The following IMMP2L variants were observed in gnomAD, a reference collection of about 807,000 sequenced individuals.
IMMP2L encodes mitochondrial inner membrane protease subunit 2.
Under a neutral mutation model 19.3 loss-of-function variants are expected in IMMP2L, and 18 were observed. The observed-to-expected ratio is 0.93, with a 90% confidence interval of 0.64 to 1.38. The LOEUF is 1.38. IMMP2L is among the 40% of genes most tolerant of loss of function. The pLI, the probability that IMMP2L is intolerant of heterozygous loss-of-function variation, is 0.00. For missense variants in IMMP2L, 233 were observed against 218.2 expected (o/e 1.07, Z -0.43); for synonymous variants, 76 against 73.0 (o/e 1.04, Z -0.21).
chr7:110,837,614 T>C (rs74909586), intron 5 of IMMP2L, among the ~76,000 whole-genome samples: 3 of 152,070 alleles, frequency 2.0e-5, no homozygotes, highest in African/African-American at 7.2e-5. Context: ...TGAATTACTA[T>C]TGCTGCCCGC....
intron 3 of IMMP2L, among the ~76,000 whole-genome samples, chr7:111,316,859 T>C (rs1824155900): frequency 7.1e-6 from 1 of 140,696 alleles, no homozygotes; most frequent in Non-Finnish European, 1.5e-5. Flanking sequence ...TTTTTTTTTT[T>C]TTTTTTTTTG....
At chr7:111,169,446 T>G (rs577390055) in intron 3 of IMMP2L, among the ~76,000 whole-genome samples, 1 of 151,860 alleles carries the variant, frequency 6.6e-6, no homozygotes, top group Admixed American at 6.6e-5. Context: ...ACAACCAAAC[T>G]TGAGTTTGGG....
chr7:111,528,551 G>T (rs540759275), intron 1 of IMMP2L, among the ~76,000 whole-genome samples: 19 of 152,292 alleles, frequency 1.2e-4, no homozygotes, highest in Admixed American at 3.3e-4. Flanking sequence ...TCTTGGTGAT[G>T]CTGACCTCAA....
chr7:111,048,345 C>A (rs963313899), intron 3 of IMMP2L, among the ~76,000 whole-genome samples: 2 of 151,912 alleles, frequency 1.3e-5, no homozygotes, highest in East Asian at 3.9e-4. Flanking sequence ...TTTCTTTCTA[C>A]CAGATCTTGC....
intron 3 of IMMP2L, among the ~76,000 whole-genome samples, chr7:111,038,229 T>G (rs1011655461): frequency 6.6e-6 from 1 of 152,208 alleles, no homozygotes; most frequent in Non-Finnish European, 1.5e-5. Flanking sequence ...CACTGATTTT[T>G]ATTTTTATAA....
At chr7:111,415,117 G>C (rs2131552286) in intron 3 of IMMP2L, among the ~76,000 whole-genome samples, 1 of 152,014 alleles carries the variant, frequency 6.6e-6, no homozygotes, top group Admixed American at 6.5e-5. Context: ...CTCCTTGAAG[G>C]ATAAGCCTCA....
At chr7:110,994,440 T>C (rs368370222) in intron 3 of IMMP2L, among the ~76,000 whole-genome samples, 1 of 152,190 alleles carries the variant, frequency 6.6e-6, no homozygotes, top group East Asian at 1.9e-4. Flanking sequence ...CATATGATTA[T>C]ATTTTGGCCA....
intron 3 of IMMP2L, among the ~76,000 whole-genome samples, chr7:111,445,257 C>G (rs1585127436): frequency 6.8e-6 from 1 of 147,822 alleles, no homozygotes; most frequent in East Asian, 2.0e-4. Flanking sequence ...TGTGGGGAGC[C>G]AAAAAAAAAT....
intron 3 of IMMP2L, among the ~76,000 whole-genome samples, chr7:111,148,377 T>A (rs1185670668): frequency 1.3e-5 from 2 of 152,016 alleles, no homozygotes; most frequent in African/African-American, 4.8e-5. Flanking sequence ...GAATAGGGAA[T>A]GATTGCTAGA....
intron 5 of IMMP2L, among the ~76,000 whole-genome samples, chr7:110,849,346 G>A (rs766357967): frequency 7.2e-5 from 11 of 151,868 alleles, no homozygotes; most frequent in Non-Finnish European, 1.5e-4. Context: ...TAAAATAATC[G>A]AGAGATCTGT....
intron 3 of IMMP2L, among the ~76,000 whole-genome samples, chr7:111,258,282 G>C (rs1047386278): frequency 6.6e-6 from 1 of 152,068 alleles, no homozygotes; most frequent in Non-Finnish European, 1.5e-5. Context: ...ATGTGTGGGT[G>C]ATCACAGAGT....
rs554522977 is a variant in IMMP2L at position 111,233,459 on chromosome 7, C to A, written c.239+253779G>T. On this transcript the variant is annotated intron_variant, in intron 3 of 5. Transcript: ENST00000405709. ...GTCATATAAAATCAGTGGTAATTGA[C>A]AAACTGACTATATAATAATTTCACT... Among the ~76,000 whole-genome samples, 15 of 151,958 alleles carry A rather than the reference C, an allele frequency of 9.9e-5. No homozygotes were observed. In the South Asian group the frequency reaches 3.1e-3, roughly 32 times the overall value.
rs188048755 is a variant in IMMP2L, at chr7:111,369,883, G to A, written c.239+117355C>T. On this transcript the variant is annotated intron_variant, in intron 3 of 5. Coordinates refer to ENST00000405709, the MANE Select transcript of IMMP2L (RefSeq NM_032549.4). Reference sequence around the variant, plus strand: ...ATTATGCTAAATTCTAGATGGTAAAGAGGAAGATGAATTAGTCCTTGGTCT... The same window carrying A: ...ATTATGCTAAATTCTAGATGGTAAAAAGGAAGATGAATTAGTCCTTGGTCT... 5.4e-3 allele frequency among the ~76,000 whole-genome samples: 827 copies of A among 151,962 alleles called. 7 individuals are homozygous for A. Among genetic ancestry groups the A allele is most frequent in the Admixed American group, 0.011 (162 of 15,204 alleles).
intron 3 of IMMP2L, among the ~76,000 whole-genome samples, chr7:111,397,034 G>C (rs1345364063): frequency 6.6e-6 from 1 of 151,962 alleles, no homozygotes; most frequent in Non-Finnish European, 1.5e-5. Flanking sequence ...CTTGCAGTGA[G>C]CTGAGATCGC....
chr7:110,745,190 C>T (rs192116245), intron 5 of IMMP2L, among the ~76,000 whole-genome samples: 1 of 152,146 alleles, frequency 6.6e-6, no homozygotes, highest in Non-Finnish European at 1.5e-5. Context: ...AGCAAGCAAA[C>T]AAGATTAGAG....
chr7:111,496,980 A>G (rs529913079), intron 2 of IMMP2L, among the ~76,000 whole-genome samples: 2 of 152,324 alleles, frequency 1.3e-5, no homozygotes, highest in South Asian at 2.1e-4. Context: ...AGATCTAATT[A>G]TAATATAATT....
chr7:111,194,948 G>A (rs910285279), intron 3 of IMMP2L, among the ~76,000 whole-genome samples: 1 of 151,834 alleles, frequency 6.6e-6, no homozygotes, highest in Non-Finnish European at 1.5e-5. Context: ...TTTACTTATC[G>A]TTTTCATAGA....
chr7:110,716,405 T>A (rs144967732), intron 5 of IMMP2L, among the ~76,000 whole-genome samples: 10 of 152,250 alleles, frequency 6.6e-5, no homozygotes, highest in African/African-American at 2.2e-4. Flanking sequence ...GAGGGCTATG[T>A]ACGTAAGTGT....
chr7:111,335,081 G>A (rs1053180980), intron 3 of IMMP2L, among the ~76,000 whole-genome samples: 14 of 151,974 alleles, frequency 9.2e-5, no homozygotes, highest in African/African-American at 1.9e-4. Context: ...CACACTTACC[G>A]ATGCTCTTCT....
Sources: gnomAD v4.1 joint callset for allele counts (sites outside exome capture counted in the v4.1 genomes callset) on GRCh38, gnomAD v4.1.1 for gene constraint, MANE v1.5 for transcripts, NCBI Gene and HGNC (gene_info 2026-07-23, HGNC 2026-07-21) for gene names.